Variants in SEH1L observed in about 807,000 individuals in gnomAD.
The protein encoded by SEH1L is nucleoporin SEH1.
Under a neutral mutation model 49.5 loss-of-function variants are expected in SEH1L, and 18 were observed. The ratio of observed to expected loss-of-function variants is 0.36; its 90% CI spans 0.25 to 0.54. The LOEUF (loss-of-function observed/expected upper bound fraction) is 0.54. Among genes scored for constraint, SEH1L ranks in the 20% least tolerant of loss-of-function variants. The probability of loss-of-function intolerance (pLI) is 0.87; values close to 1 mark genes in which losing one functional copy is unlikely to be tolerated. For missense variants in SEH1L, 404 were observed against 528.8 expected, an observed-to-expected ratio of 0.76 and a Z score of 2.31; for synonymous variants, 169 against 178.1, an observed-to-expected ratio of 0.95 and a Z score of 0.41.
At chr18:12,953,687 TA>T (rs1228613850) in intron 2 of SEH1L, among the ~76,000 whole-genome samples, 2 of 152,238 alleles carry the variant, frequency 1.3e-5, no homozygotes, top group African/African-American at 4.8e-5. Flanking sequence ...GGTTAACTTA[TA>T]AAATTAATAA....
intron 6 of SEH1L, among the ~76,000 whole-genome samples, chr18:12,980,787 C>T (rs1374656372): frequency 1.2e-5 from 1 of 80,092 alleles, no homozygotes; most frequent in East Asian, 6.0e-4. Context: ...AGGCGCCCCT[C>T]ACCTCCCGGA....
At chr18:12,963,453 C>A in intron 4 of SEH1L, 82 bp downstream of exon 4, 1 of 1,107,922 alleles carries the variant, frequency 9.0e-7, no homozygotes, top group Non-Finnish European at 1.3e-6. Flanking sequence ...ATAATTTATT[C>A]TCTCAAAGGT....
chr18:12,958,133 G>C (rs1294340731), intron 3 of SEH1L, among the ~76,000 whole-genome samples: 1 of 139,032 alleles, frequency 7.2e-6, no homozygotes, highest in Non-Finnish European at 1.5e-5. Flanking sequence ...ACCCAGGCTG[G>C]AGTGCAGTGG....
At chr18:12,958,064 C>CTTTTTTTTTTTTTTTTTTTTT (rs57733399) in intron 3 of SEH1L, among the ~76,000 whole-genome samples, 1 of 62,046 alleles carries the variant, frequency 1.6e-5, no homozygotes, top group Non-Finnish European at 2.8e-5. Flanking sequence ...CTCATTTTAA[C>CTTTTTTTTTTTTTTTTTTTTT]TTTTTTTTTT....
rs576909868 is a variant in SEH1L at position 12,986,428 on chromosome 18, G to A, written c.1071-434G>A. On this transcript the variant is annotated intron_variant, in intron 8 of 8. Transcript: ENST00000399892. The stretch of plus-strand genomic sequence containing the variant: ...TATGTGTATTCCCAGTATCATGTAC[G>A]CACTAAAAAAAATGTGTGCTTGCTG... 5.7e-5 allele frequency: 56 copies of A among 985,836 alleles called. No individual in the cohort carries two copies. In the African/African-American group the frequency reaches 8.4e-4, roughly 15 times the overall value. 61.1% of individuals were successfully genotyped at this position (985,836 alleles called of 1,614,324 possible). A position where few individuals can be genotyped will look rare whatever the true frequency, so the allele number is the denominator to read the frequency against.
chr18:12,949,445 T>TG (rs1568206246), intron 1 of SEH1L, among the ~76,000 whole-genome samples: 2 of 91,660 alleles, frequency 2.2e-5, no homozygotes, highest in Non-Finnish European at 4.0e-5. Flanking sequence ...GTTAACCGTT[T>TG]TTTTTTTTTT....
At chr18:12,966,840 C>T (rs1238346687) in intron 4 of SEH1L, among the ~76,000 whole-genome samples, 1 of 152,112 alleles carries the variant, frequency 6.6e-6, no homozygotes, top group Admixed American at 6.5e-5. Context: ...TTGATTATTC[C>T]AGGATTTACT....
chr18:12,953,888 T>G (rs534668940), intron 2 of SEH1L, among the ~76,000 whole-genome samples: 155 of 152,372 alleles, frequency 1.0e-3, no homozygotes, highest in African/African-American at 3.5e-3. Context: ...AAATATACCA[T>G]TTTGCTTAAC....
intron 8 of SEH1L, chr18:12,985,785 C>A (rs1337745153): frequency 3.2e-6 from 3 of 947,492 alleles, no homozygotes; most frequent in Non-Finnish European, 3.8e-6. Context: ...CAGTACAACT[C>A]TGTCATTTCT....
At chr18:12,969,427 C>T (rs947722991) in intron 4 of SEH1L, among the ~76,000 whole-genome samples, 2 of 151,778 alleles carry the variant, frequency 1.3e-5, no homozygotes, top group African/African-American at 2.4e-5. Context: ...TGGTTGTTTA[C>T]GCCTGTAATC....
chr18:12,953,476 A>G (rs1323735968), intron 2 of SEH1L, among the ~76,000 whole-genome samples: 3 of 152,214 alleles, frequency 2.0e-5, no homozygotes, highest in Non-Finnish European at 2.9e-5. Context: ...CAGTTTCTCT[A>G]CATCCTCACC....
At chr18:12,986,583 C>G in intron 8 of SEH1L, 1 of 990,092 alleles carries the variant, frequency 1.0e-6, no homozygotes. Context: ...TTCTTTGTAA[C>G]ATTTATATAT....
chr18:12,954,743 C>T (rs1238404033), intron 2 of SEH1L, among the ~76,000 whole-genome samples: 1 of 152,200 alleles, frequency 6.6e-6, no homozygotes, highest in African/African-American at 2.4e-5. Flanking sequence ...GCTGAGAAGA[C>T]AGGCGTGAGC....
At chr18:12,959,194 G>T (rs1362990345) in intron 3 of SEH1L, among the ~76,000 whole-genome samples, 1 of 151,924 alleles carries the variant, frequency 6.6e-6, no homozygotes. Flanking sequence ...TTTTTAAATT[G>T]GGTTTTTTGT....
intron 2 of SEH1L, among the ~76,000 whole-genome samples, chr18:12,952,306 C>T (rs2030589352): frequency 6.7e-6 from 1 of 149,480 alleles, no homozygotes; most frequent in Non-Finnish European, 1.5e-5. Flanking sequence ...GATCTTGGCT[C>T]ACTGCAACCT....
chr18:12,957,647 G>C lies in SEH1L; in HGVS notation c.309+2038G>C, dbSNP rs1401933878. Among the ~76,000 whole-genome samples, 4 of 152,186 alleles carry C rather than the reference G, an allele frequency of 2.6e-5. No homozygotes were observed. In the East Asian group the frequency reaches 7.7e-4, roughly 29 times the overall value. ...CTGCATGCTTTTTTTCCCCCTTTAT[G>C]ATTTGTTTTTTGTAATAGATAATCA... On this transcript the variant is annotated intron_variant, in intron 3 of 8. Transcript: ENST00000399892.
At position 12,951,770 on chromosome 18, in the gene SEH1L, C is replaced by A; in HGVS notation, c.112-85C>A. ...TTGTTAACTATATGTTCACCGCTTTCCTTGTACACTGATTCAGTCTTATAG... is the reference window on the plus strand; with the variant it reads ...TTGTTAACTATATGTTCACCGCTTTACTTGTACACTGATTCAGTCTTATAG... On this transcript the variant is annotated intron_variant, in intron 1 of 8. Transcript: ENST00000399892. 3 of 798,396 alleles carry A rather than the reference C, an allele frequency of 3.8e-6. No individual in the cohort carries two copies. In the Admixed American group the frequency reaches 7.2e-5, roughly 19 times the overall value. The allele number at this position is 798,396 out of a possible 1,614,324, so 49.5% of individuals were successfully genotyped here.
chr18:12,966,710 T>A (rs976503688), intron 4 of SEH1L, among the ~76,000 whole-genome samples: 4 of 152,226 alleles, frequency 2.6e-5, no homozygotes, highest in Non-Finnish European at 5.9e-5. Flanking sequence ...CCAATCCTGC[T>A]TGACACTCAG....
intron 8 of SEH1L, 106 bp from the exon 9 acceptor site, chr18:12,986,756 C>G: frequency 2.6e-6 from 3 of 1,166,788 alleles, no homozygotes; most frequent in Non-Finnish European, 1.1e-6. Flanking sequence ...CATGTGTTTT[C>G]TCCTCTTTGG....
Sources: allele counts gnomAD v4.1 joint callset (sites outside exome capture counted in the v4.1 genomes callset), GRCh38; gene constraint gnomAD v4.1.1; transcripts MANE v1.5; gene names NCBI Gene and HGNC (gene_info 2026-07-23, HGNC 2026-07-21).